The following KLF8 variants were observed in gnomAD, a reference collection of about 807,000 sequenced individuals.
The protein encoded by KLF8 is KLF transcription factor 8, also known as Krueppel-like factor 8.
A neutral mutation model predicts 18.2 loss-of-function variants in KLF8; 10 were observed. That is an observed-to-expected ratio of 0.55 (90% CI 0.34 to 0.93). The LOEUF is 0.93. Among genes scored for constraint, KLF8 ranks in the 40% least tolerant of loss-of-function variants. The probability of loss-of-function intolerance (pLI) is 0.02; values close to 1 mark genes in which losing one functional copy is unlikely to be tolerated. For synonymous variants in KLF8, 109 were observed against 97.3 expected, an observed-to-expected ratio of 1.12 and a Z score of -0.71; for missense variants, 264 against 277.9, an observed-to-expected ratio of 0.95 and a Z score of 0.36.
chrX:56,028,375 T>C, the KLF8 span, among the ~76,000 whole-genome samples: 2 of 111,872 alleles, frequency 1.8e-5, no homozygotes, highest in East Asian at 5.6e-4. Context: ...TCTGGTTTTA[T>C]GTTCTGGTAG....
chrX:56,068,387 A>T, the KLF8 span, among the ~76,000 whole-genome samples: 4 of 110,886 alleles, frequency 3.6e-5, no homozygotes, highest in African/African-American at 1.3e-4. Context: ...TTACCAAGCA[A>T]CACCTGGATG....
the KLF8 span, among the ~76,000 whole-genome samples, chrX:56,017,301 G>A: frequency 8.9e-6 from 1 of 112,381 alleles, no homozygotes; most frequent in East Asian, 2.8e-4. Context: ...AGAGAAGTAA[G>A]GTAGGCTTCC....
the KLF8 span, among the ~76,000 whole-genome samples, chrX:55,996,408 G>T: frequency 3.6e-5 from 4 of 112,207 alleles, no homozygotes; most frequent in African/African-American, 1.3e-4. Context: ...TTAGGAGCTA[G>T]TGTGGTTGTT....
chrX:56,025,991 C>T, the KLF8 span, among the ~76,000 whole-genome samples: 9 of 112,380 alleles, frequency 8.0e-5, no homozygotes, highest in African/African-American at 2.9e-4. Flanking sequence ...AAAATAAGTC[C>T]CATGACAATT....
At chrX:56,205,932 G>A in the KLF8 span, among the ~76,000 whole-genome samples, 2 of 111,731 alleles carry the variant, frequency 1.8e-5, no homozygotes, top group East Asian at 2.8e-4. Flanking sequence ...AAAGGAAAGA[G>A]GTTTAATTGA....
At chrX:56,235,483 C>A (rs1344060464) in intron 1 of KLF8, among the ~76,000 whole-genome samples, 1 of 101,532 alleles carries the variant, frequency 9.8e-6, no homozygotes, top group Non-Finnish European at 2.0e-5. Context: ...ATGGCGTGAT[C>A]TCGGCTTGCC....
chrX:55,975,389 T>C, the KLF8 span, among the ~76,000 whole-genome samples: 168 of 111,121 alleles, frequency 1.5e-3, 1 homozygote, highest in East Asian at 0.038. Context: ...ATAAGGAATG[T>C]ATAATAAAAT....
At chrX:56,079,051 TG>T in the KLF8 span, among the ~76,000 whole-genome samples, 3 of 111,535 alleles carry the variant, frequency 2.7e-5, no homozygotes, top group Non-Finnish European at 5.7e-5. Context: ...TTATTAGTCT[TG>T]CTAGCGGTCT....
the KLF8 span, among the ~76,000 whole-genome samples, chrX:56,175,140 T>G: frequency 2.7e-5 from 3 of 111,488 alleles, no homozygotes; most frequent in Non-Finnish European, 5.6e-5. Flanking sequence ...TTCTGCTAGC[T>G]TTTGAATGTG....
the KLF8 span, among the ~76,000 whole-genome samples, chrX:56,064,562 A>C: frequency 9.0e-6 from 1 of 111,049 alleles, no homozygotes. Flanking sequence ...TTATTAGTTG[A>C]TTCCTCGTTG....
At chrX:55,974,192 G>A in the KLF8 span, among the ~76,000 whole-genome samples, 21 of 111,306 alleles carry the variant, frequency 1.9e-4, no homozygotes, top group South Asian at 6.5e-3. Flanking sequence ...TTGAGAGAGA[G>A]GGTGGGAGGA....
chrX:56,084,676 C>A, the KLF8 span, among the ~76,000 whole-genome samples: 2 of 112,060 alleles, frequency 1.8e-5, no homozygotes, highest in Non-Finnish European at 3.8e-5. Flanking sequence ...TTATCTGCAA[C>A]CTCTAAAATT....
the KLF8 span, among the ~76,000 whole-genome samples, chrX:56,087,613 T>C: frequency 9.0e-6 from 1 of 111,059 alleles, no homozygotes; most frequent in African/African-American, 3.3e-5. Context: ...AATTATCCAG[T>C]ATCAGGTTTT....
chrX:56,020,354 G>C, the KLF8 span, among the ~76,000 whole-genome samples: 1 of 112,127 alleles, frequency 8.9e-6, no homozygotes, highest in African/African-American at 3.2e-5. Flanking sequence ...GCTTAGAAAA[G>C]AGGAGAAACT....
At chrX:56,101,400 A>G in the KLF8 span, among the ~76,000 whole-genome samples, 3 of 112,015 alleles carry the variant, frequency 2.7e-5, no homozygotes, top group Non-Finnish European at 5.6e-5. Context: ...CTCCATGTCT[A>G]TGTTATTGTG....
At chrX:56,031,136 C>T in the KLF8 span, among the ~76,000 whole-genome samples, 1 of 111,340 alleles carries the variant, frequency 9.0e-6, no homozygotes, top group South Asian at 3.8e-4. Flanking sequence ...TCTTGAAATT[C>T]TTTAACATAG....
At chrX:56,036,864 A>G in the KLF8 span, among the ~76,000 whole-genome samples, 1,074 of 110,663 alleles carry the variant, frequency 9.7e-3, 11 homozygotes, top group African/African-American at 0.034. Flanking sequence ...AGTGTTTTGT[A>G]ATTTTTCTTG....
the KLF8 span, among the ~76,000 whole-genome samples, chrX:55,950,691 C>G: frequency 8.9e-6 from 1 of 111,845 alleles, no homozygotes; most frequent in African/African-American, 3.2e-5. Flanking sequence ...TATCTCCAAA[C>G]TTTTCTTCAT....
the KLF8 span, among the ~76,000 whole-genome samples, chrX:56,065,898 C>T: frequency 9.0e-6 from 1 of 111,640 alleles, no homozygotes; most frequent in Non-Finnish European, 1.9e-5. Context: ...ATGTGAATGC[C>T]AAGTATGCCT....
Sources: gnomAD v4.1 joint callset for allele counts (sites outside exome capture counted in the v4.1 genomes callset) on GRCh38, gnomAD v4.1.1 for gene constraint, MANE v1.5 for transcripts, NCBI Gene and HGNC (gene_info 2026-07-23, HGNC 2026-07-21) for gene names.